TRDN: variants seen among roughly 807,000 people sequenced by gnomAD.
TRDN encodes triadin in skeletal muscle.
A neutral mutation model predicts 149.7 loss-of-function variants in TRDN; 161 were observed. The ratio of observed to expected loss-of-function variants is 1.08; its 90% CI spans 0.95 to 1.23. The LOEUF is 1.23. Ranked by LOEUF, TRDN falls within the 50% of genes most tolerant of loss-of-function variation. The probability of loss-of-function intolerance (pLI) is 0.00; values close to 1 mark genes in which losing one functional copy is unlikely to be tolerated. For missense variants in TRDN, 896 were observed against 823.5 expected (o/e 1.09, Z -1.08); for synonymous variants, 294 against 250.5 (o/e 1.17, Z -1.64).
intron 9 of TRDN, among the ~76,000 whole-genome samples, chr6:123,467,808 T>A (rs957132099): frequency 1.3e-5 from 2 of 152,064 alleles, no homozygotes; most frequent in Non-Finnish European, 2.9e-5. Context: ...ATGAATTATA[T>A]TAAATGTGAT....
rs917199381 is a variant in TRDN, at chr6:123,259,189, T to C, written c.1870+435A>G. On this transcript the variant is annotated intron_variant, in intron 35 of 40. Transcript: ENST00000334268. ...TTCTTGTCTTCTGCTAGCTTTCGAA[T>C]TTGTTTGTTCTTGCTTCTGTAGTTC... Among the ~76,000 whole-genome samples the C allele has an allele frequency of 2.0e-5, 3 of 152,104 alleles. No individual in the cohort carries two copies. The East Asian group carries it at 5.8e-4, about 29-fold the overall frequency.
intron 2 of TRDN, 43 bp from the exon 3 acceptor site, chr6:123,548,655 C>T: frequency 7.7e-7 from 1 of 1,304,074 alleles, no homozygotes; most frequent in Non-Finnish European, 9.8e-7. Flanking sequence ...AGTTTGTGAT[C>T]ATTTCCAAAT....
chr6:123,559,633 T>C (rs890993389), intron 2 of TRDN, among the ~76,000 whole-genome samples: 46 of 152,176 alleles, frequency 3.0e-4, no homozygotes, highest in African/African-American at 3.6e-4. Context: ...TCCCACAGCA[T>C]GCTTTGAAAG....
chr6:123,506,174 T>TA (rs1778913213), intron 7 of TRDN, among the ~76,000 whole-genome samples: 2 of 152,216 alleles, frequency 1.3e-5, no homozygotes, highest in South Asian at 4.1e-4. Context: ...CTCATTCACC[T>TA]AAAAAACACT....
At chr6:123,472,814 CA>C (rs372688326) in intron 9 of TRDN, among the ~76,000 whole-genome samples, 5,110 of 152,158 alleles carry the variant, frequency 0.034, 129 homozygotes, top group Non-Finnish European at 0.054. Flanking sequence ...AACTGGGAGG[CA>C]ACCCCCCAGC....
chr6:123,431,157 C>G (rs912609789), intron 12 of TRDN, among the ~76,000 whole-genome samples: 2 of 152,152 alleles, frequency 1.3e-5, no homozygotes, highest in African/African-American at 4.8e-5. Flanking sequence ...ACGCTGTCAT[C>G]TGAACGCAGA....
chr6:123,519,318 A>C, intron 5 of TRDN, among the ~76,000 whole-genome samples: 1 of 149,094 alleles, frequency 6.7e-6, no homozygotes, highest in Admixed American at 6.6e-5. Flanking sequence ...ATTCAGCTCA[A>C]CTGGACCCAA....
At chr6:123,280,037 G>A (rs1777525768) in intron 24 of TRDN, among the ~76,000 whole-genome samples, 1 of 152,160 alleles carries the variant, frequency 6.6e-6, no homozygotes, top group Non-Finnish European at 1.5e-5. Flanking sequence ...CAAATGAGAT[G>A]TACCCTGTGA....
At chr6:123,483,493 A>G (rs894532395) in intron 9 of TRDN, among the ~76,000 whole-genome samples, 5 of 152,156 alleles carry the variant, frequency 3.3e-5, no homozygotes, top group Non-Finnish European at 7.4e-5. Flanking sequence ...ATAGGAAACA[A>G]TACTAAACTC....
At chr6:123,626,183 A>T (rs143793894) in intron 1 of TRDN, among the ~76,000 whole-genome samples, 139 of 152,222 alleles carry the variant, frequency 9.1e-4, no homozygotes, top group African/African-American at 3.0e-3. Flanking sequence ...TTGCTCATTC[A>T]TAGAAAGCAC....
chr6:123,394,248 T>C (rs929556900), intron 12 of TRDN, among the ~76,000 whole-genome samples: 3 of 152,108 alleles, frequency 2.0e-5, no homozygotes, highest in Admixed American at 6.6e-5. Context: ...GTTCTAAGTT[T>C]TTTTTGCTAT....
At chr6:123,516,286 C>G in intron 5 of TRDN, 80 bp from the exon 6 acceptor site, 1 of 1,304,692 alleles carries the variant, frequency 7.7e-7, no homozygotes, top group Non-Finnish European at 9.8e-7. Context: ...TCTTTGATGT[C>G]AAAATTTATC....
In TRDN at chr6:123,272,352, A is replaced by G. The variant is rs375540377; in HGVS notation, c.1672+612T>C. Among the ~76,000 whole-genome samples the G allele has an allele frequency of 7.9e-5, 12 of 152,062 alleles. No individual in the cohort carries two copies. The South Asian group carries it at 2.5e-3, about 32-fold the overall frequency. ...TGGGTAGCCTCAAAATTAAATTCATATTTAATTAGCTGAAATAAAAACTTG... is the reference window on the plus strand; with the variant it reads ...TGGGTAGCCTCAAAATTAAATTCATGTTTAATTAGCTGAAATAAAAACTTG... On this transcript the variant is annotated intron_variant, in intron 29 of 40. Coordinates refer to ENST00000334268, the MANE Select transcript of TRDN (RefSeq NM_006073.4).
chr6:123,229,915 A>G (rs1775533793), intron 38 of TRDN, among the ~76,000 whole-genome samples: 1 of 151,950 alleles, frequency 6.6e-6, no homozygotes, highest in African/African-American at 2.4e-5. Flanking sequence ...TCAGCAAGCA[A>G]TCTTATCTTG....
At chr6:123,222,320 C>G (rs546583718) in intron 39 of TRDN, among the ~76,000 whole-genome samples, 115 of 151,602 alleles carry the variant, frequency 7.6e-4, no homozygotes, top group Middle Eastern at 3.4e-3. Context: ...AATCTATATA[C>G]CACTAGTTTC....
At chr6:123,425,165 A>C (rs947493517) in intron 12 of TRDN, among the ~76,000 whole-genome samples, 1 of 151,780 alleles carries the variant, frequency 6.6e-6, no homozygotes, top group African/African-American at 2.4e-5. Context: ...AAGCCTGGGG[A>C]AAAAAGGGTG....
At chr6:123,385,639 T>C (rs1027525924) in intron 14 of TRDN, among the ~76,000 whole-genome samples, 12 of 152,144 alleles carry the variant, frequency 7.9e-5, no homozygotes, top group African/African-American at 2.9e-4. Flanking sequence ...CTGGAAGCCA[T>C]AGAACTAGCG....
At chr6:123,246,638 A>C (rs548249350) in intron 38 of TRDN, among the ~76,000 whole-genome samples, 1 of 152,218 alleles carries the variant, frequency 6.6e-6, no homozygotes, top group East Asian at 1.9e-4. Context: ...ATGGATTCAC[A>C]GCCAAGTTCT....
rs1278429377 is a variant in TRDN, at chr6:123,338,048, C to T, written c.1370-379G>A. On this transcript the variant is annotated intron_variant, in intron 21 of 40. Transcript: ENST00000334268. The stretch of plus-strand genomic sequence containing the variant: ...CACAACTCCATGAGGTATATAGGTT[C>T]TGTTATTATTTCTACTTTTCACATA... Among the ~76,000 whole-genome samples the T allele has an allele frequency of 3.3e-5, 5 of 152,130 alleles. 1 individual carries two copies. Among genetic ancestry groups the T allele is most frequent in the Admixed American group, 2.0e-4 (3 of 15,260 alleles).
Sources: allele counts gnomAD v4.1 joint callset (sites outside exome capture counted in the v4.1 genomes callset), GRCh38; gene constraint gnomAD v4.1.1; transcripts MANE v1.5; gene names NCBI Gene and HGNC (gene_info 2026-07-23, HGNC 2026-07-21).